Variants in ADD2 observed in about 807,000 individuals in gnomAD.
ADD2 encodes beta-adducin.
Under a neutral mutation model 83.0 loss-of-function variants are expected in ADD2, and 23 were observed. The observed-to-expected ratio is 0.28, with a 90% CI of 0.20 to 0.39. The LOEUF (loss-of-function observed/expected upper bound fraction) is 0.39, where lower values mean the gene tolerates loss of function less well. ADD2 is among the 10% of genes least tolerant of loss of function. The pLI is 1.00. For missense variants in ADD2, 758 were observed against 944.9 expected (o/e 0.80, Z 2.59); for synonymous variants, 375 against 375.4 (o/e 1.00, Z 0.01).
chr2:70,740,295 A>G (rs1232328816), intron 1 of ADD2, among the ~76,000 whole-genome samples: 1 of 152,220 alleles, frequency 6.6e-6, no homozygotes, highest in African/African-American at 2.4e-5. Context: ...TAACAGGATC[A>G]TAATAATAAT....
rs180980578 is a variant in ADD2 at position 70,727,380 on chromosome 2, C to T, written c.-153-14196G>A. Among the ~76,000 whole-genome samples the T allele has an allele frequency of 1.2e-3, 186 of 152,196 alleles. 1 individual carries two copies. Among genetic ancestry groups the T allele is most frequent in the African/African-American group, 3.9e-3 (162 of 41,528 alleles). Reference sequence around the variant, plus strand: ...CCTCATCCATCCTTCCATTCCCCAACGCCTAATTGCCTCTCCCTCTCCCTC... The same window carrying T: ...CCTCATCCATCCTTCCATTCCCCAATGCCTAATTGCCTCTCCCTCTCCCTC... On this transcript the variant is annotated intron_variant, in intron 1 of 15. Transcript: ENST00000264436.
At chr2:70,756,702 G>A (rs1341437849) in intron 1 of ADD2, among the ~76,000 whole-genome samples, 1 of 152,148 alleles carries the variant, frequency 6.6e-6, no homozygotes, top group Non-Finnish European at 1.5e-5. Flanking sequence ...CAGGTGACAC[G>A]ATCAACAGTG....
At chr2:70,719,672 A>C (rs1344956180) in intron 1 of ADD2, among the ~76,000 whole-genome samples, 1 of 152,252 alleles carries the variant, frequency 6.6e-6, no homozygotes, top group Admixed American at 6.5e-5. Flanking sequence ...AAGCCCATCA[A>C]AAAGGCTGTC....
intron 1 of ADD2, among the ~76,000 whole-genome samples, chr2:70,751,194 C>G (rs1674490127): frequency 2.0e-5 from 3 of 152,124 alleles, no homozygotes; most frequent in African/African-American, 7.2e-5. Context: ...TGTTTGATCC[C>G]TTCCACTTTG....
chr2:70,748,474 T>C (rs57831851), intron 1 of ADD2, among the ~76,000 whole-genome samples: 10,215 of 152,156 alleles, frequency 0.067, 647 homozygotes, highest in African/African-American at 0.17. Flanking sequence ...GACAAAGATC[T>C]TTATGGCTTC....
In ADD2 at chr2:70,663,370, A is replaced by G; in HGVS notation, c.*55T>C. 3 of 1,531,186 alleles carry G rather than the reference A, an allele frequency of 2.0e-6. No homozygotes were observed. Among genetic ancestry groups the G allele is most frequent in the Middle Eastern group, 2.2e-4 (1 of 4,642 alleles). The allele number at this position is 1,531,186 out of a possible 1,614,324, so 94.8% of individuals were successfully genotyped here. ...CTGTGCTTGCAGGGACAGAGATGGG[A>G]GAAGGGAAGGGGAGGAGAGAGAGGA... On this transcript the variant is annotated 3_prime_UTR_variant, in exon 16 of 16. Transcript: ENST00000264436.
At chr2:70,746,648 C>T (rs58537448) in intron 1 of ADD2, among the ~76,000 whole-genome samples, 9,396 of 152,162 alleles carry the variant, frequency 0.062, 365 homozygotes, top group East Asian at 0.17. Flanking sequence ...AACACTGGGC[C>T]GGGAGGGAAA....
rs1244257364 is a variant in ADD2, at chr2:70,658,627, T to G, written c.*4798A>C. 1 of 152,126 alleles carries G rather than the reference T, an allele frequency of 6.6e-6. No homozygotes were observed. The highest frequency in any genetic ancestry group is 1.5e-5 in the Non-Finnish European group (1 of 68,032). 9.4% of individuals were successfully genotyped at this position (152,126 alleles called of 1,614,324 possible). On this transcript the variant is annotated 3_prime_UTR_variant, in exon 16 of 16. Coordinates refer to ENST00000264436, the MANE Select transcript of ADD2 (RefSeq NM_001617.4). The stretch of plus-strand genomic sequence containing the variant: ...CTCCCTCATTTCTTTTCAGACTCTT[T>G]GAGTGCTAAGGTCTTAGAGTTCAAC...
intron 1 of ADD2, among the ~76,000 whole-genome samples, chr2:70,758,928 A>G (rs1280075825): frequency 6.6e-6 from 1 of 152,176 alleles, no homozygotes; most frequent in Non-Finnish European, 1.5e-5. Context: ...CAGGAACCCA[A>G]GCAAAGTAGC....
intron 1 of ADD2, among the ~76,000 whole-genome samples, chr2:70,760,058 T>C (rs1460533809): frequency 6.6e-6 from 1 of 152,218 alleles, no homozygotes; most frequent in Non-Finnish European, 1.5e-5. Flanking sequence ...CCATCTGTAC[T>C]CTAACTTTTA....
chr2:70,765,301 C>T (rs1035847056), intron 1 of ADD2, among the ~76,000 whole-genome samples: 4 of 151,776 alleles, frequency 2.6e-5, no homozygotes, highest in Admixed American at 1.3e-4. Flanking sequence ...TGCAGTGAGC[C>T]GAGATCATGC....
At chr2:70,691,028 G>C (rs1408857042) in intron 7 of ADD2, 99 bp from the exon 8 acceptor site, 6 of 1,425,936 alleles carry the variant, frequency 4.2e-6, no homozygotes, top group South Asian at 3.1e-5. Context: ...TGAGGGGTGA[G>C]GGGTGAGGAG....
intron 1 of ADD2, among the ~76,000 whole-genome samples, chr2:70,730,348 C>T (rs1246066249): frequency 2.6e-5 from 4 of 152,224 alleles, no homozygotes; most frequent in Non-Finnish European, 4.4e-5. Flanking sequence ...CCCCCTCCAC[C>T]CGTCATGGGC....
chr2:70,667,652 G>A (rs371296841), intron 15 of ADD2, among the ~76,000 whole-genome samples: 2 of 152,090 alleles, frequency 1.3e-5, no homozygotes, highest in Admixed American at 6.6e-5. Flanking sequence ...ATGGAATTTC[G>A]CTCTTGTCAC....
Position 70,690,766 on chromosome 2 carries a change from C to G in ADD2, c.849+20G>C. 6.2e-7 allele frequency: 1 copy of G among 1,604,076 alleles called. No individual in the cohort carries two copies. ...TGACAATGCCACTCTAGATTATTGT[C>G]CCAGAAGAGCTAAGCTAACCTTGCA... On this transcript the variant is annotated intron_variant, in intron 8 of 15. Transcript: ENST00000264436.
chr2:70,663,285 G>A lies in ADD2; in HGVS notation c.*140C>T. ...AACTGTAAAACGAAGGGTTGGTCGGGTGATCTCTAAGTTCCCCTTCCGAAT... is the reference window on the plus strand; with the variant it reads ...AACTGTAAAACGAAGGGTTGGTCGGATGATCTCTAAGTTCCCCTTCCGAAT... On this transcript the variant is annotated 3_prime_UTR_variant, in exon 16 of 16. Transcript: ENST00000264436. 2.0e-6 allele frequency: 2 copies of A among 984,584 alleles called. No individual in the cohort carries two copies. The highest frequency in any genetic ancestry group is 3.0e-6 in the Non-Finnish European group (2 of 664,050). 61.0% of individuals were successfully genotyped at this position (984,584 alleles called of 1,614,324 possible).
intron 1 of ADD2, chr2:70,767,453 A>C: frequency 4.6e-6 from 1 of 215,298 alleles, no homozygotes; most frequent in Admixed American, 6.4e-5. Context: ...CAGCCCCGCC[A>C]AGCCCGCCTC....
intron 1 of ADD2, among the ~76,000 whole-genome samples, chr2:70,717,528 A>G (rs1454638523): frequency 6.6e-6 from 1 of 152,118 alleles, no homozygotes; most frequent in Admixed American, 6.5e-5. Flanking sequence ...GCAAGCTGCC[A>G]CTTCCCAGGT....
chr2:70,764,453 T>C (rs1675279343), intron 1 of ADD2, among the ~76,000 whole-genome samples: 1 of 151,678 alleles, frequency 6.6e-6, no homozygotes, highest in Non-Finnish European at 1.5e-5. Flanking sequence ...GTAGACTCAC[T>C]CTCTCCACTA....
Sources: allele counts gnomAD v4.1 joint callset (sites outside exome capture counted in the v4.1 genomes callset), GRCh38; gene constraint gnomAD v4.1.1; transcripts MANE v1.5; gene names NCBI Gene and HGNC (gene_info 2026-07-23, HGNC 2026-07-21).